Variants in TEDC2 observed in about 807,000 individuals in gnomAD.
TEDC2 encodes the protein tubulin epsilon and delta complex 2.
TEDC2 carries 49 observed loss-of-function variants against 48.1 expected under a neutral mutation model. The ratio of observed to expected loss-of-function variants is 1.02; its 90% CI spans 0.81 to 1.29. TEDC2 has a LOEUF of 1.29. TEDC2 is among the 50% of genes most tolerant of loss of function. The probability of loss-of-function intolerance (pLI) is 0.00; values close to 1 mark genes in which losing one functional copy is unlikely to be tolerated. For synonymous variants in TEDC2, 299 were observed against 247.1 expected (o/e 1.21, Z -1.97); for missense variants, 631 against 571.4 (o/e 1.10, Z -1.06).
chr16:2,462,867 C>T (rs2065475658), intron 8 of TEDC2, 135 bp downstream of exon 8: 2 of 738,612 alleles, frequency 2.7e-6, no homozygotes, highest in African/African-American at 1.8e-5. Context: ...GCCCCTCCAC[C>T]CCTCCCACGC....
chr16:2,464,019 A>G lies in TEDC2; in HGVS notation c.965-20A>G. The G allele has an allele frequency of 6.3e-7, 1 of 1,596,180 alleles. No homozygotes were observed. The highest frequency in any genetic ancestry group is 8.6e-7 in the Non-Finnish European group (1 of 1,167,216). On this transcript the variant is annotated intron_variant, in intron 8 of 9. Coordinates refer to ENST00000361837, the MANE Select transcript of TEDC2 (RefSeq NM_025108.3). ...GGGTTCGGCTGCTACCCCAAAGGCC[A>G]CATTCTCCTGTGCACACAGCGGTGG...
rs564304984 is a variant in TEDC2, at chr16:2,464,736, G to A, written c.*68G>A. The A allele has an allele frequency of 4.3e-5, 68 of 1,589,152 alleles. No homozygotes were observed. Among genetic ancestry groups the A allele is most frequent in the African/African-American group, 1.5e-4 (11 of 74,422 alleles). ...GGGTGTCTTCCCTGGCACTGTGCTC[G>A]GGGACCCAGAGATGCCTGTGCTTCC... On this transcript the variant is annotated 3_prime_UTR_variant, in exon 10 of 10. Transcript: ENST00000361837.
rs372258787 is a variant in TEDC2, at chr16:2,464,220, C to T, written c.1146C>T (p.His382=). ...TGGCTGTGCTGGACCAGCAGATCCA[C>T]TTGGAAAAGGTGCTTCTGGAAGAGG... ...LRVAVLDQQI[H]LEKVLMAELL... Residue 382 remains histidine (H), a synonymous_variant, in exon 9 of 10, where the codon CAC becomes CAT. Coordinates refer to ENST00000361837, the MANE Select transcript of TEDC2 (RefSeq NM_025108.3). The T allele has an allele frequency of 1.3e-4, 213 of 1,611,838 alleles. No homozygotes were observed. Among genetic ancestry groups the T allele is most frequent in the South Asian group, 1.1e-3 (101 of 90,868 alleles).
In TEDC2 at chr16:2,460,115, G is replaced by C; in HGVS notation, c.-30G>C. The C allele has an allele frequency of 7.4e-7, 1 of 1,347,966 alleles. No individual in the cohort carries two copies. The allele number at this position is 1,347,966 out of a possible 1,614,324, so 83.5% of individuals were successfully genotyped here. On this transcript the variant is annotated 5_prime_UTR_variant, in exon 1 of 10. Transcript: ENST00000361837. ...GGAAGGGGCGTGGCTCTTCAGAGGC[G>C]GCAAATTGCAAGGAGACGCCGCCGC...
Position 2,464,955 on chromosome 16 carries a change from T to C in TEDC2, c.*287T>C. On this transcript the variant is annotated 3_prime_UTR_variant, in exon 10 of 10. Transcript: ENST00000361837. Reference sequence around the variant, plus strand: ...CGCTTGTGTGATATTAAAGCCACTTTAGAAAGCATTTGTGTTTATTTATGT... The same window carrying C: ...CGCTTGTGTGATATTAAAGCCACTTCAGAAAGCATTTGTGTTTATTTATGT... The C allele has an allele frequency of 2.3e-6, 1 of 438,926 alleles. No homozygotes were observed. The highest frequency in any genetic ancestry group is 2.4e-5 in the South Asian group (1 of 41,424). The allele number at this position is 438,926 out of a possible 1,614,324, so 27.2% of individuals were successfully genotyped here.
At chr16:2,464,456 C>T in intron 9 of TEDC2, 66 bp from the exon 10 acceptor site, 1 of 1,472,570 alleles carries the variant, frequency 6.8e-7, no homozygotes, top group Non-Finnish European at 9.1e-7. Context: ...GCCTCGAAGC[C>T]TGTCCCAGGA....
In TEDC2 at chr16:2,461,800, G is replaced by T. The variant is rs775364145; in HGVS notation, c.659G>T (p.Ser220Ile). The T allele has an allele frequency of 3.7e-6, 6 of 1,613,424 alleles. No individual in the cohort carries two copies. The highest frequency in any genetic ancestry group is 5.1e-6 in the Non-Finnish European group (6 of 1,180,008). The change falls in exon 5 of 10, where the codon AGC (serine) becomes ATC (isoleucine). Residue 220 changes from serine (S) to isoleucine (I), a missense_variant and splice_region_variant. Physicochemically the swap from Ser to Ile is moderately radical, Grantham distance 142. Transcript: ENST00000361837. ...AGGAAAGCAGCTTCCCAGAACTCGA[G>T]GTGAGGCTGAGGTCTTTGGCTGGAC... ...AFRKAASQNS[S>I]LWAQLSSTQT...
Position 2,464,897 on chromosome 16 carries a change from C to G in TEDC2, c.*229C>G. The G allele has an allele frequency of 1.7e-6, 1 of 586,400 alleles. No individual in the cohort carries two copies. Among genetic ancestry groups the G allele is most frequent in the Non-Finnish European group, 3.0e-6 (1 of 336,530 alleles). 36.3% of individuals were successfully genotyped at this position (586,400 alleles called of 1,614,324 possible). A position where few individuals can be genotyped will look rare whatever the true frequency, so the allele number is the denominator to read the frequency against. ...GGCCAGCGGGGAGCCTTTCCTGGCT[C>G]CCTCTGTTTTCTCTCACTGTAGACC... On this transcript the variant is annotated 3_prime_UTR_variant, in exon 10 of 10. Coordinates refer to ENST00000361837, the MANE Select transcript of TEDC2 (RefSeq NM_025108.3).
Position 2,464,545 on chromosome 16 carries a change from C to T in TEDC2, c.1179C>T (p.Pro393=), listed in dbSNP as rs746242798. The part of the protein sequence containing the change: ...LEKVLMAELL[P]LVSAAQPQGP... ...AGGTCCTGATGGCTGAACTCCTCCC[C>T]CTGGTAAGCGCTGCACAGCCGCAGG... The change falls in exon 10 of 10, where the codon CCC becomes CCT. Residue 393 remains proline (P), a synonymous_variant. Coordinates refer to ENST00000361837, the MANE Select transcript of TEDC2 (RefSeq NM_025108.3). The T allele has an allele frequency of 2.3e-5, 37 of 1,585,118 alleles. No homozygotes were observed. The highest frequency in any genetic ancestry group is 3.2e-5 in the Non-Finnish European group (37 of 1,171,480).
chr16:2,460,375 A>C lies in TEDC2; in HGVS notation c.119A>C (p.His40Pro), dbSNP rs1261051496. ...QSLRVCRRLL[H>P]AWEPTGTRAL... is the part of the protein sequence containing the mutation. The stretch of plus-strand genomic sequence containing the variant: ...CTGCGCGTTTGCCGTCGGCTGCTGC[A>C]TGCCTGGTACGCGGACCCCGGACCC... Residue 40 changes from histidine (H) to proline (P), a missense_variant, in exon 2 of 10, where the codon CAT (histidine) becomes CCT (proline). By Grantham distance (77) the His-to-Pro change is moderately conservative (BLOSUM62 -2). Transcript: ENST00000361837. The C allele has an allele frequency of 1.7e-5, 26 of 1,544,880 alleles. No individual in the cohort carries two copies. Among genetic ancestry groups the C allele is most frequent in the Non-Finnish European group, 2.2e-5 (25 of 1,146,386 alleles).
At chr16:2,464,464 G>A in intron 9 of TEDC2, 58 bp from the exon 10 acceptor site, 2 of 1,494,692 alleles carry the variant, frequency 1.3e-6, no homozygotes, top group Non-Finnish European at 1.8e-6. Flanking sequence ...GCCTGTCCCA[G>A]GATTGCCCCC....
Position 2,461,081 on chromosome 16 carries a change from G to A in TEDC2, c.462G>A (p.Glu154=). Reference sequence around the variant, plus strand: ...CGGTGCCTGCCAAGGGCCACCCTGAGCGCCGGCTGCTGTCAGTGGGGGATG... The same window carrying A: ...CGGTGCCTGCCAAGGGCCACCCTGAACGCCGGCTGCTGTCAGTGGGGGATG... ...QTTVPAKGHP[E]RRLLSVGDGT... is the part of the protein sequence containing the mutation. Residue 154 remains glutamate (E), a synonymous_variant, in exon 4 of 10, where the codon GAG becomes GAA. Coordinates refer to ENST00000361837, the MANE Select transcript of TEDC2 (RefSeq NM_025108.3). 1 of 1,595,960 alleles carries A rather than the reference G, an allele frequency of 6.3e-7. No homozygotes were observed. The highest frequency in any genetic ancestry group is 8.6e-7 in the Non-Finnish European group (1 of 1,168,604).
chr16:2,462,710 C>A lies in TEDC2; in HGVS notation c.942C>A (p.His314Gln). The A allele has an allele frequency of 1.3e-6, 2 of 1,543,698 alleles. No individual in the cohort carries two copies. The highest frequency in any genetic ancestry group is 1.7e-6 in the Non-Finnish European group (2 of 1,146,554). The stretch of plus-strand genomic sequence containing the variant: ...AGGCCATGGTGGGCCAGTGTCTGCA[C>A]AGGCTGCAGGAGCTGCGTGCAGGTG... ...GLQAMVGQCL[H>Q]RLQELRAAVA... Residue 314 changes from histidine (H) to glutamine (Q), a missense_variant, in exon 8 of 10, where the codon CAC (histidine) becomes CAA (glutamine). Transcript: ENST00000361837.
chr16:2,463,794 A>T (rs1394717670), intron 8 of TEDC2, among the ~76,000 whole-genome samples: 1 of 152,158 alleles, frequency 6.6e-6, no homozygotes. Flanking sequence ...AGGAAAGACA[A>T]TCTCATAAAA....
rs1567394405 is a variant in TEDC2 at position 2,460,156 on chromosome 16, G to A, written c.12G>A (p.Ala4=). 21 of 1,350,590 alleles carry A rather than the reference G, an allele frequency of 1.6e-5. No individual in the cohort carries two copies. The highest frequency in any genetic ancestry group is 2.0e-5 in the Non-Finnish European group (21 of 1,059,776). The allele number at this position is 1,350,590 out of a possible 1,614,324, so 83.7% of individuals were successfully genotyped here. ...ACGCCGCCGCCTTCATGCTGCCGGC[G>A]GGCTGCTCGCGCCGGTGAGGCCTGC... The part of the protein sequence containing the change: MLP[A]GCSRRLVAEL... Residue 4 remains alanine, a synonymous_variant, in exon 1 of 10, where the codon GCG becomes GCA. Coordinates refer to ENST00000361837, the MANE Select transcript of TEDC2 (RefSeq NM_025108.3).
At chr16:2,461,686 A>C in intron 4 of TEDC2, 61 bp from the exon 5 acceptor site, 1 of 1,593,658 alleles carries the variant, frequency 6.3e-7, no homozygotes, top group African/African-American at 1.3e-5. Context: ...CTGAGCAGGA[A>C]GTGGGACTTG....
chr16:2,463,181 C>T (rs909636225), intron 8 of TEDC2, among the ~76,000 whole-genome samples: 24 of 151,780 alleles, frequency 1.6e-4, no homozygotes, highest in African/African-American at 5.8e-4. Context: ...AGTAGCCAGG[C>T]GTGGTGGTGG....
In TEDC2 at chr16:2,461,034, A is replaced by G; in HGVS notation, c.415A>G (p.Thr139Ala). Reference protein sequence around the residue: ...AGGHASDTRPTKGLRQTTVPA... With the variant: ...AGGHASDTRPAKGLRQTTVPA... ...TGGCCATGCTTCAGACACGAGACCC[A>G]CCAAGGGCCTCCGCCAGACCACGGT... Residue 139 changes from threonine to alanine, a missense_variant, in exon 4 of 10, where the codon ACC becomes GCC. Coordinates refer to ENST00000361837, the MANE Select transcript of TEDC2 (RefSeq NM_025108.3). 1 of 1,611,366 alleles carries G rather than the reference A, an allele frequency of 6.2e-7. No homozygotes were observed. The highest frequency in any genetic ancestry group is 8.5e-7 in the Non-Finnish European group (1 of 1,178,770).
At position 2,460,808 on chromosome 16, in the gene TEDC2, T is replaced by G. The variant is rs765964370; in HGVS notation, c.197-8T>G. On this transcript the variant is annotated splice_polypyrimidine_tract_variant and splice_region_variant and intron_variant, in intron 3 of 9. Coordinates refer to ENST00000361837, the MANE Select transcript of TEDC2 (RefSeq NM_025108.3). ...GAGAGATCCCTGCATAATTCTTGGC[T>G]TTCACAGCATGCACACCCAGTCCAC... The G allele has an allele frequency of 5.0e-6, 8 of 1,610,748 alleles. No homozygotes were observed. The South Asian group carries it at 8.8e-5, about 18-fold the overall frequency.
Sources: allele counts gnomAD v4.1 joint callset (sites outside exome capture counted in the v4.1 genomes callset), GRCh38; gene constraint gnomAD v4.1.1; transcripts MANE v1.5; gene names NCBI Gene and HGNC (gene_info 2026-07-23, HGNC 2026-07-21).